Variants in C12orf56 observed in about 807,000 individuals in gnomAD.
The protein encoded by C12orf56 is chromosome 12 open reading frame 56, also known as uncharacterized protein C12orf56.
In C12orf56, 71 loss-of-function variants were observed where a neutral mutation model predicts 69.9. The observed-to-expected ratio is 1.02, with a 90% CI of 0.84 to 1.24. C12orf56 has a LOEUF of 1.24. Among genes scored for constraint, C12orf56 ranks in the 50% most tolerant of loss-of-function variants. C12orf56 has a pLI of 0.00. For missense variants in C12orf56, 732 were observed against 738.5 expected (o/e 0.99, Z 0.10); for synonymous variants, 276 against 274.1 (o/e 1.01, Z -0.07).
chr12:64,341,191 T>C (rs562587783), intron 2 of C12orf56, among the ~76,000 whole-genome samples: 9 of 152,248 alleles, frequency 5.9e-5, no homozygotes, highest in African/African-American at 2.2e-4. Flanking sequence ...GCAGCATTCC[T>C]CCCTCTGGAA....
In C12orf56 at chr12:64,375,851, G is replaced by A. The variant is rs151278811; in HGVS notation, c.252+14463C>T. 2.0e-3 allele frequency among the ~76,000 whole-genome samples: 308 copies of A among 152,202 alleles called. 2 individuals carry two copies. Among genetic ancestry groups the A allele is most frequent in the African/African-American group, 6.3e-3 (261 of 41,516 alleles). ...TTTTTCTGATTGGATTGTGATGTGCGATGAAAAGTGGATTTTATACTACAA... is the reference window on the plus strand; with the variant it reads ...TTTTTCTGATTGGATTGTGATGTGCAATGAAAAGTGGATTTTATACTACAA... On this transcript the variant is annotated intron_variant, in intron 1 of 12. Transcript: ENST00000543942.
chr12:64,293,491 G>A (rs1287166141), intron 6 of C12orf56: 11 of 152,140 alleles, frequency 7.2e-5, no homozygotes, highest in Non-Finnish European at 1.3e-4. Context: ...CTGTCGCTCA[G>A]TTTCTTTGTC....
chr12:64,333,938 C>T (rs2038962044), intron 2 of C12orf56, among the ~76,000 whole-genome samples: 1 of 152,154 alleles, frequency 6.6e-6, no homozygotes, highest in Admixed American at 6.5e-5. Context: ...CACCAAGGAC[C>T]AGAGTCTGGC....
chr12:64,382,294 A>G (rs1473547606), intron 1 of C12orf56, among the ~76,000 whole-genome samples: 3 of 150,730 alleles, frequency 2.0e-5, no homozygotes, highest in Non-Finnish European at 4.4e-5. Context: ...AATAAATGAG[A>G]TGACATTTTA....
At chr12:64,330,920 G>T (rs748539744) in intron 3 of C12orf56, 40 bp downstream of exon 3, 31 of 1,452,544 alleles carry the variant, frequency 2.1e-5, no homozygotes, top group South Asian at 1.3e-5. Context: ...AAAATGTTTT[G>T]GTTAGCAAGT....
chr12:64,276,005 C>CCT (rs1555185430), intron 9 of C12orf56, among the ~76,000 whole-genome samples: 2 of 128,588 alleles, frequency 1.6e-5, no homozygotes, highest in African/African-American at 7.6e-5. Context: ...ATACACACCC[C>CCT]CCCCCGCGAG....
At chr12:64,275,764 A>G (rs920396070) in intron 9 of C12orf56, among the ~76,000 whole-genome samples, 3 of 151,968 alleles carry the variant, frequency 2.0e-5, no homozygotes, top group Admixed American at 1.3e-4. Context: ...CACCATGCCC[A>G]GGTAATTTTT....
intron 3 of C12orf56, 76 bp from the exon 4 acceptor site, chr12:64,319,056 G>A: frequency 7.8e-7 from 1 of 1,287,480 alleles, no homozygotes; most frequent in Non-Finnish European, 1.0e-6. Flanking sequence ...GGTAGTTTAA[G>A]ACTGAACACA....
chr12:64,294,990 T>C (rs943152938), intron 6 of C12orf56, among the ~76,000 whole-genome samples: 4 of 151,984 alleles, frequency 2.6e-5, no homozygotes, highest in African/African-American at 9.6e-5. Context: ...AACCTCCACA[T>C]CCTGGTTTCA....
intron 1 of C12orf56, among the ~76,000 whole-genome samples, chr12:64,366,318 T>TTATA (rs1349909672): frequency 1.2e-4 from 8 of 68,182 alleles, no homozygotes; most frequent in East Asian, 4.6e-4. Context: ...TATATACAGT[T>TTATA]TATTATATAT....
chr12:64,270,665 G>A lies in C12orf56; in HGVS notation c.1634C>T (p.Ala545Val). The part of the protein sequence containing the change: ...IVKQVVRGLS[A>V]SFQLLSPCQA... ...GCAGGGACTTAGCAGCTGAAATGAA[G>A]CTGAAAGACCCCTCACCACTTGTTT... Residue 545 changes from alanine to valine, a missense_variant, in exon 12 of 13, where the codon GCT (alanine) becomes GTT (valine). Transcript: ENST00000543942. 1 of 1,613,062 alleles carries A rather than the reference G, an allele frequency of 6.2e-7. No individual in the cohort carries two copies. The highest frequency in any genetic ancestry group is 8.5e-7 in the Non-Finnish European group (1 of 1,179,634).
chr12:64,309,293 A>G (rs1403989785), intron 5 of C12orf56, among the ~76,000 whole-genome samples: 1 of 151,958 alleles, frequency 6.6e-6, no homozygotes, highest in Non-Finnish European at 1.5e-5. Flanking sequence ...CTCTCCCTTC[A>G]CCACTCTCCC....
intron 6 of C12orf56, among the ~76,000 whole-genome samples, chr12:64,286,678 T>C (rs1307533498): frequency 6.6e-6 from 1 of 152,218 alleles, no homozygotes; most frequent in Non-Finnish European, 1.5e-5. Flanking sequence ...CGCTGGCCCA[T>C]GAAATTAGGC....
intron 3 of C12orf56, among the ~76,000 whole-genome samples, chr12:64,327,443 AT>A (rs2038859388): frequency 6.6e-6 from 1 of 152,216 alleles, no homozygotes; most frequent in Non-Finnish European, 1.5e-5. Flanking sequence ...CGTCCTGCAT[AT>A]GTATCTCAGA....
At chr12:64,336,450 T>C (rs2038997788) in intron 2 of C12orf56, among the ~76,000 whole-genome samples, 1 of 152,164 alleles carries the variant, frequency 6.6e-6, no homozygotes. Context: ...TTTTCGTATG[T>C]GTTTTTATTT....
intron 3 of C12orf56, among the ~76,000 whole-genome samples, chr12:64,329,075 A>G (rs1012065656): frequency 1.3e-5 from 2 of 152,046 alleles, no homozygotes; most frequent in African/African-American, 4.8e-5. Context: ...AAAAAAAAAA[A>G]AGAAACTCCT....
intron 1 of C12orf56, among the ~76,000 whole-genome samples, chr12:64,360,515 TGATAGATAGATGATA>T (rs924606111): frequency 6.6e-6 from 1 of 151,954 alleles, no homozygotes; most frequent in Non-Finnish European, 1.5e-5. Flanking sequence ...GGTAGATAGA[TGATAGATAGATGATA>T]GATAGATAGA....
intron 2 of C12orf56, among the ~76,000 whole-genome samples, chr12:64,340,570 A>G (rs540165980): frequency 2.0e-5 from 3 of 152,346 alleles, no homozygotes; most frequent in African/African-American, 7.2e-5. Context: ...ACTATTCCAT[A>G]AAGTTAACAA....
chr12:64,302,122 A>G (rs528809297), intron 6 of C12orf56, among the ~76,000 whole-genome samples: 2 of 152,114 alleles, frequency 1.3e-5, no homozygotes, highest in Non-Finnish European at 2.9e-5. Context: ...CATGAATTCC[A>G]TTTCATCTTC....
Sources: allele counts gnomAD v4.1 joint callset (sites outside exome capture counted in the v4.1 genomes callset), GRCh38; gene constraint gnomAD v4.1.1; transcripts MANE v1.5; gene names NCBI Gene and HGNC (gene_info 2026-07-23, HGNC 2026-07-21).